Variants in BTBD9 observed in about 807,000 individuals in gnomAD.
BTBD9 encodes BTB domain containing 9.
BTBD9 carries 49 observed loss-of-function variants against 64.3 expected under a neutral mutation model. The ratio of observed to expected loss-of-function variants is 0.76; its 90% CI spans 0.61 to 0.97. The LOEUF (loss-of-function observed/expected upper bound fraction) is 0.97. Ranked by LOEUF, BTBD9 falls within the 50% of genes least tolerant of loss-of-function variation. The pLI, the probability that BTBD9 is intolerant of heterozygous loss-of-function variation, is 0.00. For synonymous variants in BTBD9, 260 were observed against 274.7 expected (o/e 0.95, Z 0.53); for missense variants, 598 against 762.1 (o/e 0.78, Z 2.53).
intron 6 of BTBD9, among the ~76,000 whole-genome samples, chr6:38,431,293 A>G (rs889585069): frequency 2.0e-5 from 3 of 150,678 alleles, no homozygotes; most frequent in Admixed American, 1.3e-4. Flanking sequence ...TAGTAATAAT[A>G]TTAACAGTAG....
At chr6:38,210,250 T>A (rs571211781) in intron 9 of BTBD9, among the ~76,000 whole-genome samples, 66 of 152,354 alleles carry the variant, frequency 4.3e-4, no homozygotes, top group African/African-American at 1.5e-3. Context: ...ACATTTTAAC[T>A]ATATTCGTCT....
chr6:38,194,714 C>A (rs958752318), intron 9 of BTBD9, among the ~76,000 whole-genome samples: 11 of 152,242 alleles, frequency 7.2e-5, no homozygotes, highest in East Asian at 3.9e-4. Context: ...CGCTGGGAGC[C>A]GTCCTGGGCA....
intron 6 of BTBD9, among the ~76,000 whole-genome samples, chr6:38,362,988 A>G (rs978451115): frequency 1.3e-5 from 2 of 152,236 alleles, no homozygotes; most frequent in African/African-American, 4.8e-5. Flanking sequence ...GAAAACGGGA[A>G]AAAAAGAAGC....
chr6:38,337,939 C>T (rs1449384480), intron 7 of BTBD9, among the ~76,000 whole-genome samples: 2 of 152,134 alleles, frequency 1.3e-5, no homozygotes, highest in African/African-American at 4.8e-5. Context: ...CTATTTGTTT[C>T]CGGTGGTACT....
intron 7 of BTBD9, among the ~76,000 whole-genome samples, chr6:38,325,155 T>C (rs1186043649): frequency 6.6e-6 from 1 of 152,010 alleles, no homozygotes; most frequent in Non-Finnish European, 1.5e-5. Context: ...ATCTATAACA[T>C]AAAAACATTT....
intron 6 of BTBD9, among the ~76,000 whole-genome samples, chr6:38,423,363 G>A (rs1767994657): frequency 6.6e-6 from 1 of 152,048 alleles, no homozygotes. Context: ...GGAGTACAGT[G>A]GCACGATCTC....
At chr6:38,499,452 G>T (rs1772098858) in intron 6 of BTBD9, among the ~76,000 whole-genome samples, 1 of 152,142 alleles carries the variant, frequency 6.6e-6, no homozygotes, top group South Asian at 2.1e-4. Context: ...TAATTGTCAA[G>T]CATTTAATGT....
intron 6 of BTBD9, among the ~76,000 whole-genome samples, chr6:38,392,406 C>A (rs1766459944): frequency 6.6e-6 from 1 of 152,158 alleles, no homozygotes; most frequent in Non-Finnish European, 1.5e-5. Flanking sequence ...ATGAGTGAGT[C>A]CCTCATTCCT....
intron 10 of BTBD9, chr6:38,179,254 T>C (rs1435358357): frequency 2.9e-6 from 1 of 344,062 alleles, no homozygotes; most frequent in African/African-American, 2.1e-5. Flanking sequence ...TTTAAAAATC[T>C]AGATGACAAC....
intron 6 of BTBD9, among the ~76,000 whole-genome samples, chr6:38,471,240 A>G (rs1770638124): frequency 6.6e-6 from 1 of 152,202 alleles, no homozygotes; most frequent in Non-Finnish European, 1.5e-5. Flanking sequence ...CTAACTGGCA[A>G]CTAACATCAG....
intron 6 of BTBD9, among the ~76,000 whole-genome samples, chr6:38,379,471 A>T (rs992147887): frequency 5.9e-5 from 9 of 152,320 alleles, no homozygotes; most frequent in Admixed American, 2.0e-4. Context: ...AATGGAAGAG[A>T]AGAAATCAAA....
chr6:38,330,648 C>T (rs1311396998), intron 7 of BTBD9, among the ~76,000 whole-genome samples: 2 of 151,994 alleles, frequency 1.3e-5, no homozygotes, highest in East Asian at 3.9e-4. Flanking sequence ...GCCTAGAAAA[C>T]TTAGAATAAC....
At chr6:38,619,962 C>T (rs909210086) in intron 1 of BTBD9, among the ~76,000 whole-genome samples, 2 of 152,162 alleles carry the variant, frequency 1.3e-5, no homozygotes, top group Non-Finnish European at 2.9e-5. Context: ...TTGTTGCCCC[C>T]TACTTGAGGA....
chr6:38,291,825 G>A lies in BTBD9; in HGVS notation c.1265-3364C>T, dbSNP rs1014104452. Among the ~76,000 whole-genome samples, 18 of 152,222 alleles carry A rather than the reference G, an allele frequency of 1.2e-4. 1 individual carries two copies. Among genetic ancestry groups the A allele is most frequent in the South Asian group, 4.2e-4 (2 of 4,818 alleles). Reference sequence around the variant, plus strand: ...GATTTGCGTATGTTGAACCAGCCTCGCATCCCAGGGATGAAGCTGACTTGA... The same window carrying A: ...GATTTGCGTATGTTGAACCAGCCTCACATCCCAGGGATGAAGCTGACTTGA... On this transcript the variant is annotated intron_variant, in intron 7 of 10. Transcript: ENST00000481247.
At chr6:38,332,435 C>A (rs991910484) in intron 7 of BTBD9, among the ~76,000 whole-genome samples, 1 of 152,136 alleles carries the variant, frequency 6.6e-6, no homozygotes, top group East Asian at 1.9e-4. Context: ...GAGATGTCAC[C>A]TTTATCTCAC....
intron 6 of BTBD9, among the ~76,000 whole-genome samples, chr6:38,367,784 T>C (rs1386840465): frequency 2.4e-5 from 3 of 126,094 alleles, no homozygotes; most frequent in Non-Finnish European, 4.7e-5. Context: ...TGCAAGAGTG[T>C]TGCACCAGAA....
At position 38,456,863 on chromosome 6, in the gene BTBD9, TCAAA is replaced by T. The variant is rs1187396585; in HGVS notation, c.1155-111774_1155-111771del. 6.6e-5 allele frequency among the ~76,000 whole-genome samples: 10 copies of T among 152,340 alleles called. No homozygotes were observed. In the South Asian group the frequency reaches 2.1e-3, roughly 32 times the overall value. ...TTAAAGAAATATATCATTCCCCTGC[TCAAA>T]CAATTTGCCATACCCTTTCACTAAA... On this transcript the variant is annotated intron_variant, in intron 6 of 10. Coordinates refer to ENST00000481247, the MANE Select transcript of BTBD9 (RefSeq NM_001099272.2).
intron 6 of BTBD9, among the ~76,000 whole-genome samples, chr6:38,433,581 A>T (rs914333775): frequency 6.0e-5 from 9 of 150,980 alleles, no homozygotes; most frequent in African/African-American, 2.2e-4. Flanking sequence ...GTAATTTTCC[A>T]CTACCCACCC....
chr6:38,512,791 T>C (rs1772831954), intron 6 of BTBD9, among the ~76,000 whole-genome samples: 1 of 152,216 alleles, frequency 6.6e-6, no homozygotes. Flanking sequence ...ATTCTTTATA[T>C]AAATACGTTT....
Sources: allele counts gnomAD v4.1 joint callset (sites outside exome capture counted in the v4.1 genomes callset), GRCh38; gene constraint gnomAD v4.1.1; transcripts MANE v1.5; gene names NCBI Gene and HGNC (gene_info 2026-07-23, HGNC 2026-07-21).